SMAP1: variants seen among roughly 807,000 people sequenced by gnomAD.
The protein encoded by SMAP1 is small ArfGAP 1, also known as stromal membrane-associated protein 1.
SMAP1 carries 24 observed loss-of-function variants against 58.5 expected under a neutral mutation model. The ratio of observed to expected loss-of-function variants is 0.41; its 90% CI spans 0.30 to 0.58. The LOEUF is 0.58. Among genes scored for constraint, SMAP1 ranks in the 20% least tolerant of loss-of-function variants. SMAP1 has a pLI of 0.29. For synonymous variants in SMAP1, 216 were observed against 196.6 expected, an observed-to-expected ratio of 1.10 and a Z score of -0.82; for missense variants, 563 against 566.3, an observed-to-expected ratio of 0.99 and a Z score of 0.06.
intron 4 of SMAP1, among the ~76,000 whole-genome samples, chr6:70,785,700 A>T (rs934815153): frequency 6.6e-6 from 1 of 152,244 alleles, no homozygotes; most frequent in African/African-American, 2.4e-5. Context: ...TAGAAAATCT[A>T]GAAGAAATGG....
chr6:70,857,669 T>C (rs893477798), intron 9 of SMAP1: 18 of 488,164 alleles, frequency 3.7e-5, no homozygotes, highest in Non-Finnish European at 5.9e-5. Flanking sequence ...TGGAAGATAT[T>C]TTGTGTGGCT....
At chr6:70,670,763 T>C (rs552540868) in intron 1 of SMAP1, among the ~76,000 whole-genome samples, 12 of 152,366 alleles carry the variant, frequency 7.9e-5, no homozygotes, top group Admixed American at 5.2e-4. Flanking sequence ...TTTGAGAATA[T>C]GTACCAAAAC....
chr6:70,694,504 C>G (rs528728624), intron 1 of SMAP1: 7 of 152,920 alleles, frequency 4.6e-5, no homozygotes, highest in African/African-American at 1.7e-4. Context: ...TATTTGAAAC[C>G]TAGAAGAAGT....
intron 1 of SMAP1, among the ~76,000 whole-genome samples, chr6:70,723,977 GAAA>G (rs1052908413): frequency 6.7e-6 from 1 of 148,850 alleles, no homozygotes; most frequent in Admixed American, 6.7e-5. Context: ...CAAGTATATT[GAAA>G]AAAAAAGATT....
chr6:70,859,522 T>TAAGA (rs1173687308), intron 10 of SMAP1: 7 of 714,226 alleles, frequency 9.8e-6, no homozygotes, highest in Admixed American at 3.1e-5. Context: ...TGTATTAAAT[T>TAAGA]AAGAACACAG....
intron 1 of SMAP1, among the ~76,000 whole-genome samples, chr6:70,669,513 A>C (rs1487869873): frequency 1.3e-5 from 2 of 152,220 alleles, no homozygotes; most frequent in African/African-American, 4.8e-5. Context: ...TAACCTTTTC[A>C]GGTGATGAGT....
rs570846184 is a variant in SMAP1, at chr6:70,757,963, G to A, written c.338+2898G>A. 6.7e-3 allele frequency among the ~76,000 whole-genome samples: 1,023 copies of A among 151,814 alleles called. 7 individuals are homozygous for A. The highest frequency in any genetic ancestry group is 0.024 in the African/African-American group (975 of 41,344). On this transcript the variant is annotated intron_variant, in intron 3 of 10. Transcript: ENST00000370455. ...CAACCATTGTGGAAGTCAGTGTGGCGATTCCTCAGGGATCTAGAACTAGAA... is the reference window on the plus strand; with the variant it reads ...CAACCATTGTGGAAGTCAGTGTGGCAATTCCTCAGGGATCTAGAACTAGAA...
chr6:70,746,399 C>G (rs926374009), intron 2 of SMAP1, among the ~76,000 whole-genome samples: 2 of 152,134 alleles, frequency 1.3e-5, no homozygotes, highest in Admixed American at 1.3e-4. Flanking sequence ...TGAATTTTGT[C>G]AAAGGCCTTT....
intron 4 of SMAP1, among the ~76,000 whole-genome samples, chr6:70,778,509 T>C (rs969732861): frequency 3.3e-5 from 5 of 152,238 alleles, no homozygotes; most frequent in Non-Finnish European, 5.9e-5. Flanking sequence ...ATGTATCACA[T>C]TTATTGATTT....
At chr6:70,715,892 C>T (rs1768248558) in intron 1 of SMAP1, among the ~76,000 whole-genome samples, 1 of 120,686 alleles carries the variant, frequency 8.3e-6, no homozygotes, top group South Asian at 2.9e-4. Context: ...CGCTTTCCAC[C>T]CTTTTCCCCC....
rs1181385857 is a variant in SMAP1, at chr6:70,702,639, TTC to T, written c.119-29737_119-29736del. Among the ~76,000 whole-genome samples, 4 of 150,564 alleles carry T rather than the reference TTC, an allele frequency of 2.7e-5. No homozygotes were observed. In the East Asian group the frequency reaches 6.5e-4, roughly 24 times the overall value. The stretch of plus-strand genomic sequence containing the variant: ...CCTTTCTTTCTTCTTCTTCTTCTTC[TTC>T]TTTTTTTTTTTTTGAGGCAGAGTCT... On this transcript the variant is annotated intron_variant, in intron 1 of 10. Coordinates refer to ENST00000370455, the MANE Select transcript of SMAP1 (RefSeq NM_001044305.3).
At chr6:70,703,054 T>C (rs1767699309) in intron 1 of SMAP1, among the ~76,000 whole-genome samples, 1 of 152,030 alleles carries the variant, frequency 6.6e-6, no homozygotes. Context: ...CTTTCCTCCT[T>C]TTTATAGATT....
At chr6:70,729,833 T>A (rs1258282713) in intron 1 of SMAP1, among the ~76,000 whole-genome samples, 1 of 152,162 alleles carries the variant, frequency 6.6e-6, no homozygotes, top group Non-Finnish European at 1.5e-5. Context: ...ATGCTTGAGT[T>A]AAAGATTGTG....
intron 1 of SMAP1, among the ~76,000 whole-genome samples, chr6:70,670,826 G>C (rs1052015330): frequency 9.2e-5 from 14 of 152,234 alleles, no homozygotes; most frequent in African/African-American, 3.4e-4. Flanking sequence ...ATAGTTGGTA[G>C]AGGTATGTCA....
At chr6:70,795,903 A>G (rs1167696298) in intron 5 of SMAP1, among the ~76,000 whole-genome samples, 2 of 151,294 alleles carry the variant, frequency 1.3e-5, no homozygotes, top group Admixed American at 6.6e-5. Context: ...ACGCCCGGCT[A>G]ATTTTTGTAT....
chr6:70,822,304 T>C (rs1769923881), intron 6 of SMAP1, among the ~76,000 whole-genome samples: 1 of 152,194 alleles, frequency 6.6e-6, no homozygotes, highest in Non-Finnish European at 1.5e-5. Flanking sequence ...TCTTTAAATA[T>C]ATTATTTCGT....
chr6:70,724,991 T>G (rs1206813631), intron 1 of SMAP1, among the ~76,000 whole-genome samples: 1 of 151,484 alleles, frequency 6.6e-6, no homozygotes, highest in Non-Finnish European at 1.5e-5. Context: ...AACTTTTGGG[T>G]TGAAATGTGA....
Position 70,860,741 on chromosome 6 carries a change from T to G in SMAP1, c.*407T>G, listed in dbSNP as rs1771683741. 1 of 400,848 alleles carries G rather than the reference T, an allele frequency of 2.5e-6. No homozygotes were observed. The highest frequency in any genetic ancestry group is 4.3e-5 in the Admixed American group (1 of 23,216). The allele number at this position is 400,848 out of a possible 1,614,324, so 24.8% of individuals were successfully genotyped here. The stretch of plus-strand genomic sequence containing the variant: ...AATCCTGTAGGAAGGTACTGTATGA[T>G]CAAATGTTTAATCATATAAATAGAA... On this transcript the variant is annotated 3_prime_UTR_variant, in exon 11 of 11. Transcript: ENST00000370455.
intron 1 of SMAP1, among the ~76,000 whole-genome samples, chr6:70,684,711 A>G (rs764043330): frequency 2.0e-5 from 3 of 151,580 alleles, no homozygotes; most frequent in South Asian, 2.1e-4. Context: ...ACTTGTTTAC[A>G]TTTTTATTCC....
Sources: gnomAD v4.1 joint callset for allele counts (sites outside exome capture counted in the v4.1 genomes callset) on GRCh38, gnomAD v4.1.1 for gene constraint, MANE v1.5 for transcripts, NCBI Gene and HGNC (gene_info 2026-07-23, HGNC 2026-07-21) for gene names.